EIF3K: variants seen among roughly 807,000 people sequenced by gnomAD.
EIF3K encodes eukaryotic translation initiation factor 3 subunit K.
EIF3K carries 27 observed loss-of-function variants against 34.2 expected under a neutral mutation model. The observed-to-expected ratio is 0.79, with a 90% CI of 0.58 to 1.09. The LOEUF is 1.09. EIF3K is among the 50% of genes least tolerant of loss of function. EIF3K has a pLI of 0.00. For missense variants in EIF3K, 232 were observed against 275.4 expected (o/e 0.84, Z 1.11); for synonymous variants, 105 against 105.7 (o/e 0.99, Z 0.04).
chr19:38,624,911 GA>G (rs1599732206), intron 3 of EIF3K, among the ~76,000 whole-genome samples: 5 of 152,196 alleles, frequency 3.3e-5, no homozygotes, highest in Admixed American at 2.6e-4. Context: ...GTGAGACAGG[GA>G]AGGGAAGACC....
chr19:38,626,100 T>C lies in EIF3K; in HGVS notation c.352T>C (p.Trp118Arg). 1 of 1,614,140 alleles carries C rather than the reference T, an allele frequency of 6.2e-7. No homozygotes were observed. The highest frequency in any genetic ancestry group is 8.5e-7 in the Non-Finnish European group (1 of 1,179,998). Reference protein sequence around the residue: ...LLETCHFQAFWQALDENMDLL... With the variant: ...LLETCHFQAFRQALDENMDLL... ...GGAGACCTGCCATTTCCAGGCCTTC[T>C]GGGTAACTTCCCTGGGGTCCAGGGG... Residue 118 changes from tryptophan to arginine, a missense_variant and splice_region_variant, in exon 4 of 8, where the codon TGG becomes CGG. Coordinates refer to ENST00000248342, the MANE Select transcript of EIF3K (RefSeq NM_013234.4).
chr19:38,627,856 C>G (rs1465145834), intron 4 of EIF3K, among the ~76,000 whole-genome samples: 1 of 151,960 alleles, frequency 6.6e-6, no homozygotes, highest in African/African-American at 2.4e-5. Flanking sequence ...CAATCATACC[C>G]CAGGCCAGTT....
intron 7 of EIF3K, chr19:38,635,576 A>G (rs1976172601): frequency 9.5e-6 from 2 of 210,382 alleles, no homozygotes; most frequent in African/African-American, 4.5e-5. Context: ...CTGCAACAGT[A>G]ACTATGATAA....
chr19:38,624,022 A>T (rs1975896569), intron 2 of EIF3K, 55 bp from the exon 3 acceptor site: 1 of 1,610,972 alleles, frequency 6.2e-7, no homozygotes, highest in Admixed American at 1.7e-5. Flanking sequence ...GCACCTGGTG[A>T]GGATTGGGGA....
At chr19:38,623,954 C>A in intron 2 of EIF3K, 123 bp from the exon 3 acceptor site, 1 of 1,469,500 alleles carries the variant, frequency 6.8e-7, no homozygotes, top group Non-Finnish European at 9.3e-7. Context: ...AGCACTGGGA[C>A]TGGGATTGGA....
chr19:38,626,083 G>C lies in EIF3K; in HGVS notation c.335G>C (p.Cys112Ser). 1 of 1,614,200 alleles carries C rather than the reference G, an allele frequency of 6.2e-7. No homozygotes were observed. The highest frequency in any genetic ancestry group is 1.1e-5 in the South Asian group (1 of 91,084). The change falls in exon 4 of 8, where the codon TGC becomes TCC. Residue 112 changes from cysteine to serine, a missense_variant. Transcript: ENST00000248342. ...ILYLGDLLETCHFQAFWQALD... is the reference protein window; with the variant it reads ...ILYLGDLLETSHFQAFWQALD... Reference sequence around the variant, plus strand: ...TACCTCGGGGACCTGCTGGAGACCTGCCATTTCCAGGCCTTCTGGGTAACT... The same window carrying C: ...TACCTCGGGGACCTGCTGGAGACCTCCCATTTCCAGGCCTTCTGGGTAACT...
chr19:38,623,209 AT>A (rs1330680319), intron 2 of EIF3K, among the ~76,000 whole-genome samples: 1 of 152,234 alleles, frequency 6.6e-6, no homozygotes, highest in Non-Finnish European at 1.5e-5. Flanking sequence ...AAAAGTATTA[AT>A]TTGGGGAACT....
At chr19:38,632,350 A>AC (rs2144779796) in intron 4 of EIF3K, 80 bp from the exon 5 acceptor site, 12 of 1,380,858 alleles carry the variant, frequency 8.7e-6, no homozygotes, top group Non-Finnish European at 1.2e-5. Flanking sequence ...ACGTAGTGAG[A>AC]CCCCATCTCT....
intron 4 of EIF3K, 50 bp downstream of exon 4, chr19:38,626,152 GC>G: frequency 6.4e-7 from 1 of 1,561,656 alleles, no homozygotes; most frequent in Non-Finnish European, 8.8e-7. Flanking sequence ...GCCATGTGGA[GC>G]TGAGTGCTAA....
At chr19:38,632,084 C>T (rs191639763) in intron 4 of EIF3K, 1 of 241,942 alleles carries the variant, frequency 4.1e-6, no homozygotes, top group Non-Finnish European at 8.2e-6. Flanking sequence ...CTTTCTTTTC[C>T]CCACACATTA....
chr19:38,635,561 G>T (rs1407545681), intron 7 of EIF3K: 1 of 225,744 alleles, frequency 4.4e-6, no homozygotes, highest in East Asian at 9.1e-5. Context: ...AAAAAATGGG[G>T]ACGACTGCAA....
chr19:38,633,737 G>C (rs1346807011), intron 6 of EIF3K, among the ~76,000 whole-genome samples: 2 of 151,184 alleles, frequency 1.3e-5, no homozygotes, highest in Non-Finnish European at 2.9e-5. Flanking sequence ...GCTCATACCA[G>C]TGAGGGAGGC....
chr19:38,621,555 G>A (rs1359871801), intron 2 of EIF3K, among the ~76,000 whole-genome samples: 1 of 152,138 alleles, frequency 6.6e-6, no homozygotes, highest in Non-Finnish European at 1.5e-5. Flanking sequence ...CAGGCTCTTT[G>A]CCCCCTATGC....
At chr19:38,620,566 C>A in intron 2 of EIF3K, 131 bp downstream of exon 2, 2 of 807,378 alleles carry the variant, frequency 2.5e-6, no homozygotes, top group South Asian at 1.6e-5. Flanking sequence ...GACTAGGAAG[C>A]CAAGGAAGTT....
chr19:38,624,286 A>G, intron 3 of EIF3K, 89 bp downstream of exon 3: 2 of 1,571,940 alleles, frequency 1.3e-6, no homozygotes, highest in Non-Finnish European at 1.7e-6. Flanking sequence ...CTGTGGGTGT[A>G]TCCACAAACA....
Position 38,636,868 on chromosome 19 carries a change from C to G in EIF3K, c.626-21C>G, listed in dbSNP as rs749848817. 11 of 1,614,174 alleles carry G rather than the reference C, an allele frequency of 6.8e-6. No individual in the cohort carries two copies. In the East Asian group the frequency reaches 2.5e-4, roughly 36 times the overall value. ...GTCTCCCGCCCTTCTCACCTTCAGT[C>G]TGGTCTCTCCTTCCCCACAGGTGTG... On this transcript the variant is annotated intron_variant, in intron 7 of 7. Coordinates refer to ENST00000248342, the MANE Select transcript of EIF3K (RefSeq NM_013234.4).
chr19:38,620,328 C>G lies in EIF3K; in HGVS notation c.60-9C>G. On this transcript the variant is annotated splice_polypyrimidine_tract_variant and intron_variant, in intron 1 of 7. Transcript: ENST00000248342. Reference sequence around the variant, plus strand: ...TCCTCTGTGCTCACCTATCTTGATTCTCCTTTAGGTACAATCCTGAGAACC... The same window carrying G: ...TCCTCTGTGCTCACCTATCTTGATTGTCCTTTAGGTACAATCCTGAGAACC... 1 of 1,612,782 alleles carries G rather than the reference C, an allele frequency of 6.2e-7. No homozygotes were observed. The highest frequency in any genetic ancestry group is 8.5e-7 in the Non-Finnish European group (1 of 1,179,166).
chr19:38,620,441 T>G lies in EIF3K; in HGVS notation c.158+6T>G. On this transcript the variant is annotated splice_donor_region_variant and intron_variant, in intron 2 of 7. Transcript: ENST00000248342. ...AACCTGGCTGTCCTGAAGCTGTAAG[T>G]GTCTAGCTCTCTGTCTACACTCCCA... 1 of 1,612,596 alleles carries G rather than the reference T, an allele frequency of 6.2e-7. No individual in the cohort carries two copies. The highest frequency in any genetic ancestry group is 8.5e-7 in the Non-Finnish European group (1 of 1,179,168).
At chr19:38,632,284 G>A (rs1256744524) in intron 4 of EIF3K, 146 bp from the exon 5 acceptor site, 1 of 711,146 alleles carries the variant, frequency 1.4e-6, no homozygotes, top group East Asian at 2.8e-5. Flanking sequence ...TTAGCACTTT[G>A]GGGGGCTGAG....
Sources: gnomAD v4.1 joint callset for allele counts (sites outside exome capture counted in the v4.1 genomes callset) on GRCh38, gnomAD v4.1.1 for gene constraint, MANE v1.5 for transcripts, NCBI Gene and HGNC (gene_info 2026-07-23, HGNC 2026-07-21) for gene names.